GUCD1: variants seen among roughly 807,000 people sequenced by gnomAD.
GUCD1 encodes the protein guanylyl cyclase domain containing 1, also known as protein GUCD1.
A neutral mutation model predicts 28.3 loss-of-function variants in GUCD1; 17 were observed. The ratio of observed to expected loss-of-function variants is 0.60; its 90% CI spans 0.41 to 0.90. The LOEUF is 0.90. Ranked by LOEUF, GUCD1 falls within the 40% of genes least tolerant of loss-of-function variation. GUCD1 has a pLI of 0.00. For synonymous variants in GUCD1, 129 were observed against 123.3 expected, an observed-to-expected ratio of 1.05 and a Z score of -0.30; for missense variants, 279 against 305.5, an observed-to-expected ratio of 0.91 and a Z score of 0.65.
intron 1 of GUCD1, among the ~76,000 whole-genome samples, chr22:24,551,937 G>A (rs2044886586): frequency 1.3e-5 from 2 of 152,234 alleles, no homozygotes; most frequent in East Asian, 3.8e-4. Flanking sequence ...GAAGTCAGGA[G>A]GGCTCTGCCC....
Position 24,543,874 on chromosome 22 carries a change from C to G in GUCD1, c.596G>C (p.Cys199Ser), listed in dbSNP as rs561492996. Residue 199 changes from cysteine to serine, a missense_variant, in exon 5 of 6, where the codon TGC becomes TCC. By Grantham distance (112) the Cys-to-Ser change is moderately radical. Coordinates refer to ENST00000435822, the MANE Select transcript of GUCD1 (RefSeq NM_001284254.2). ...VLRGYNRATG[C>S]IFYNNPAYAD... is the part of the protein sequence containing the mutation. Reference sequence around the variant, plus strand: ...ATAGGCTGGGTTGTTGTAGAAGATGCAGCCAGTGGCCCGGTTGTAGCCACG... The same window carrying G: ...ATAGGCTGGGTTGTTGTAGAAGATGGAGCCAGTGGCCCGGTTGTAGCCACG... 7 of 1,614,032 alleles carry G rather than the reference C, an allele frequency of 4.3e-6. No individual in the cohort carries two copies. In the South Asian group the frequency reaches 6.6e-5, roughly 15 times the overall value.
intron 5 of GUCD1, 45 bp downstream of exon 5, chr22:24,543,797 G>A: frequency 6.2e-7 from 1 of 1,601,568 alleles, no homozygotes; most frequent in Non-Finnish European, 8.5e-7. Context: ...ATACAGAACA[G>A]TGAATGTGGA....
intron 1 of GUCD1, among the ~76,000 whole-genome samples, chr22:24,552,069 T>C (rs1405108024): frequency 5.3e-5 from 8 of 152,230 alleles, no homozygotes; most frequent in Non-Finnish European, 7.3e-5. Flanking sequence ...CCTTCCACCA[T>C]GTGAGGACAC....
chr22:24,553,405 A>C (rs939129948), intron 1 of GUCD1, among the ~76,000 whole-genome samples: 13 of 152,230 alleles, frequency 8.5e-5, no homozygotes, highest in African/African-American at 3.1e-4. Flanking sequence ...GGCAATGAGA[A>C]TTCTTCAGTG....
chr22:24,555,077 C>G lies in GUCD1; in HGVS notation c.-86G>C. ...GGCTGGGGCGGGAGGGCGGTCGGTGCGTGTCGAGTTCCTTCTCCGCCACCG... is the reference window on the plus strand; with the variant it reads ...GGCTGGGGCGGGAGGGCGGTCGGTGGGTGTCGAGTTCCTTCTCCGCCACCG... On this transcript the variant is annotated 5_prime_UTR_variant, in exon 1 of 6. Transcript: ENST00000435822. 1.5e-6 allele frequency: 2 copies of G among 1,331,502 alleles called. No individual in the cohort carries two copies. Among genetic ancestry groups the G allele is most frequent in the Non-Finnish European group, 1.9e-6 (2 of 1,037,350 alleles). 82.5% of individuals were successfully genotyped at this position (1,331,502 alleles called of 1,614,324 possible).
rs575259361 is a variant in GUCD1, at chr22:24,545,471, G to A, written c.387-1388C>T. 1.1e-4 allele frequency among the ~76,000 whole-genome samples: 16 copies of A among 152,118 alleles called. No homozygotes were observed. In the South Asian group the frequency reaches 2.7e-3, roughly 26 times the overall value. On this transcript the variant is annotated intron_variant, in intron 4 of 5. Transcript: ENST00000435822. ...TCTCTCCTCCTCAGTTTCCTCCCCC[G>A]AGAAGCAGAGATAGCAACAGCTTTC...
intron 1 of GUCD1, among the ~76,000 whole-genome samples, chr22:24,549,770 T>G (rs1265163454): frequency 6.6e-6 from 1 of 152,192 alleles, no homozygotes; most frequent in African/African-American, 2.4e-5. Flanking sequence ...GTGATCCACC[T>G]CAGCCTCCCA....
intron 1 of GUCD1, among the ~76,000 whole-genome samples, chr22:24,551,725 C>G (rs1349448015): frequency 1.3e-5 from 2 of 152,186 alleles, no homozygotes; most frequent in Non-Finnish European, 2.9e-5. Context: ...GCATCCTATT[C>G]GTTTCCTTCA....
chr22:24,554,854 T>C, intron 1 of GUCD1, 95 bp downstream of exon 1: 1 of 943,158 alleles, frequency 1.1e-6, no homozygotes, highest in Non-Finnish European at 1.6e-6. Flanking sequence ...GAGGCGGGAG[T>C]CGGCCCAAGG....
At chr22:24,555,332 C>T (rs2045025472), upstream of GUCD1, 1 of 1,394,336 alleles carries the variant, frequency 7.2e-7, no homozygotes, top group Non-Finnish European at 9.3e-7. Flanking sequence ...CGCAGCTCAC[C>T]AGGACGCGGG....
intron 1 of GUCD1, among the ~76,000 whole-genome samples, chr22:24,550,265 T>C (rs2044837214): frequency 6.6e-6 from 1 of 152,216 alleles, no homozygotes; most frequent in Admixed American, 6.5e-5. Flanking sequence ...GTGTGTGTAC[T>C]GGAGATACAG....
chr22:24,542,895 C>T lies in GUCD1; in HGVS notation c.*111G>A, dbSNP rs544590786. ...GACTCTGCCAGATGGGCTGAGGCTG[C>T]AGTTCCACATTCCAACCCCAGCAGC... is the stretch of plus-strand genomic sequence containing the variant. On this transcript the variant is annotated 3_prime_UTR_variant, in exon 6 of 6. Transcript: ENST00000435822. 26 of 754,416 alleles carry T rather than the reference C, an allele frequency of 3.4e-5. No homozygotes were observed. The highest frequency in any genetic ancestry group is 6.2e-5 in the Non-Finnish European group (26 of 422,208). The allele number at this position is 754,416 out of a possible 1,614,324, so 46.7% of individuals were successfully genotyped here.
Position 24,544,941 on chromosome 22 carries a change from G to C in GUCD1, c.387-858C>G, listed in dbSNP as rs1003185486. ...AGACTGAGGCAAGAAGATCACTTAA[G>C]CCTGGGGCTGTAGCAGTGAGCTGTA... is the stretch of plus-strand genomic sequence containing the variant. On this transcript the variant is annotated intron_variant, in intron 4 of 5. Coordinates refer to ENST00000435822, the MANE Select transcript of GUCD1 (RefSeq NM_001284254.2). Among the ~76,000 whole-genome samples, 10 of 151,996 alleles carry C rather than the reference G, an allele frequency of 6.6e-5. 1 individual carries two copies. The highest frequency in any genetic ancestry group is 1.5e-4 in the African/African-American group (6 of 41,370).
At chr22:24,548,281 C>T (rs2044782421) in intron 2 of GUCD1, among the ~76,000 whole-genome samples, 1 of 152,242 alleles carries the variant, frequency 6.6e-6, no homozygotes, top group African/African-American at 2.4e-5. Context: ...CTGGACTCTG[C>T]TTCTCAAATC....
At position 24,541,020 on chromosome 22, in the gene GUCD1, C is replaced by T. The variant is rs2044579958; in HGVS notation, c.*1986G>A. On this transcript the variant is annotated 3_prime_UTR_variant, in exon 6 of 6. Coordinates refer to ENST00000435822, the MANE Select transcript of GUCD1 (RefSeq NM_001284254.2). ...TTCTAACAATTTTACCAGAACACCA[C>T]CTGAAGATGCCCACACCCCACAGCT... The T allele has an allele frequency of 5.9e-6, 1 of 169,876 alleles. No individual in the cohort carries two copies. Among genetic ancestry groups the T allele is most frequent in the Admixed American group, 6.5e-5 (1 of 15,300 alleles). The allele number at this position is 169,876 out of a possible 1,614,324, so 10.5% of individuals were successfully genotyped here. A position where few individuals can be genotyped will look rare whatever the true frequency, so the allele number is the denominator to read the frequency against.
At chr22:24,555,670 C>G, upstream of GUCD1, 1 of 1,550,674 alleles carries the variant, frequency 6.4e-7, no homozygotes. Flanking sequence ...GGCCCTTGGC[C>G]CAACCTCCTG....
rs528118918 is a variant in GUCD1, at chr22:24,547,650, G to C, written c.294+258C>G. ...GGAAGTGGCCTCTGCACATTCTGAG[G>C]GCTGTAGAAGGCAGGTGGACAGGAG... On this transcript the variant is annotated intron_variant, in intron 3 of 5. Transcript: ENST00000435822. 196 of 463,594 alleles carry C rather than the reference G, an allele frequency of 4.2e-4. 1 individual carries two copies. Among genetic ancestry groups the C allele is most frequent in the East Asian group, 1.7e-3 (46 of 27,552 alleles). The allele number at this position is 463,594 out of a possible 1,614,324, so 28.7% of individuals were successfully genotyped here.
intron 4 of GUCD1, among the ~76,000 whole-genome samples, chr22:24,546,094 T>C (rs2044719323): frequency 1.3e-5 from 2 of 152,100 alleles, no homozygotes; most frequent in African/African-American, 4.8e-5. Context: ...CCCGAGTAGC[T>C]GGGACTACAG....
chr22:24,552,677 G>A (rs886373147), intron 1 of GUCD1, among the ~76,000 whole-genome samples: 1 of 151,958 alleles, frequency 6.6e-6, no homozygotes, highest in Non-Finnish European at 1.5e-5. Context: ...GGCTGAGGCA[G>A]GAGGATTGCT....
Sources: allele counts gnomAD v4.1 joint callset (sites outside exome capture counted in the v4.1 genomes callset), GRCh38; gene constraint gnomAD v4.1.1; transcripts MANE v1.5; gene names NCBI Gene and HGNC (gene_info 2026-07-23, HGNC 2026-07-21).